Variants in SASH1 observed in about 807,000 individuals in gnomAD.
The protein encoded by SASH1 is SAM and SH3 domain containing 1.
A neutral mutation model predicts 125.2 loss-of-function variants in SASH1; 44 were observed. The ratio of observed to expected loss-of-function variants is 0.35; its 90% CI spans 0.28 to 0.45. SASH1 has a LOEUF of 0.45. Ranked by LOEUF, SASH1 falls within the 20% of genes least tolerant of loss-of-function variation. The pLI is 1.00. For synonymous variants in SASH1, 639 were observed against 649.1 expected (o/e 0.98, Z 0.24); for missense variants, 1,426 against 1,614.5 (o/e 0.88, Z 2.00).
upstream of SASH1, among the ~76,000 whole-genome samples, chr6:148,271,484 G>A (rs985966293): frequency 2.6e-5 from 4 of 151,994 alleles, no homozygotes; most frequent in Admixed American, 2.6e-4. Flanking sequence ...GTGTAGGGAA[G>A]TGCCATGCAC....
At chr6:148,419,252 G>T (rs1421075218) in intron 2 of SASH1, among the ~76,000 whole-genome samples, 1 of 152,216 alleles carries the variant, frequency 6.6e-6, no homozygotes, top group Non-Finnish European at 1.5e-5. Flanking sequence ...ACTGGGATGG[G>T]ATGCTAATGG....
intron 17 of SASH1, among the ~76,000 whole-genome samples, chr6:148,543,239 G>T (rs1782339740): frequency 1.3e-5 from 2 of 152,162 alleles, no homozygotes; most frequent in African/African-American, 4.8e-5. Flanking sequence ...CTCTGTAGGG[G>T]ATACCATTTA....
intron 1 of SASH1, among the ~76,000 whole-genome samples, chr6:148,323,645 T>C (rs945001747): frequency 1.3e-5 from 2 of 152,130 alleles, no homozygotes; most frequent in South Asian, 2.1e-4. Context: ...GGATAACTGC[T>C]GTGATAGGAA....
At chr6:148,541,506 CTG>C (rs145143710) in intron 17 of SASH1, among the ~76,000 whole-genome samples, 4 of 151,864 alleles carry the variant, frequency 2.6e-5, no homozygotes, top group East Asian at 3.9e-4. Flanking sequence ...TCAGTTATGT[CTG>C]TGTGTGTGTT....
intron 2 of SASH1, among the ~76,000 whole-genome samples, chr6:148,409,102 T>C (rs1248508038): frequency 6.6e-6 from 1 of 152,234 alleles, no homozygotes. Flanking sequence ...ATTGCAGTTT[T>C]ATGATACTTC....
intron 12 of SASH1, among the ~76,000 whole-genome samples, chr6:148,530,157 G>A (rs1301968748): frequency 6.6e-6 from 1 of 152,006 alleles, no homozygotes; most frequent in Admixed American, 6.5e-5. Flanking sequence ...ATTATGGTAG[G>A]GATATTTGTT....
At chr6:148,329,645 T>C (rs553851397) in intron 1 of SASH1, among the ~76,000 whole-genome samples, 1 of 152,284 alleles carries the variant, frequency 6.6e-6, no homozygotes, top group Admixed American at 6.5e-5. Flanking sequence ...TGTATGTGTG[T>C]GTGTCTGTGC....
At chr6:148,491,565 T>A (rs1034975576) in intron 8 of SASH1, among the ~76,000 whole-genome samples, 3 of 152,204 alleles carry the variant, frequency 2.0e-5, no homozygotes, top group Non-Finnish European at 4.4e-5. Flanking sequence ...CCACCGCACC[T>A]GGCCTGAACA....
chr6:148,321,465 G>A (rs1465636132), intron 1 of SASH1, among the ~76,000 whole-genome samples: 2 of 151,226 alleles, frequency 1.3e-5, no homozygotes, highest in Non-Finnish European at 2.9e-5. Context: ...TTTGTCCTAT[G>A]AGCTACTGAA....
intron 11 of SASH1, among the ~76,000 whole-genome samples, chr6:148,526,870 T>C (rs75939709): frequency 3.8e-5 from 3 of 79,106 alleles, no homozygotes; most frequent in African/African-American, 1.2e-4. Context: ...TAAATCACTT[T>C]TTTTTTTTTT....
intron 4 of SASH1, among the ~76,000 whole-genome samples, chr6:148,446,198 TC>T (rs1348142397): frequency 7.2e-6 from 1 of 138,828 alleles, no homozygotes; most frequent in Non-Finnish European, 1.5e-5. Flanking sequence ...AAGCTCCGCC[TC>T]CCAGGTCCAC....
intron 2 of SASH1, among the ~76,000 whole-genome samples, chr6:148,416,933 G>C (rs1366069334): frequency 6.6e-6 from 1 of 152,178 alleles, no homozygotes; most frequent in Non-Finnish European, 1.5e-5. Flanking sequence ...CCAGTAGGTA[G>C]TTGAAGTCTG....
intron 4 of SASH1, among the ~76,000 whole-genome samples, chr6:148,452,892 A>G (rs1583184930): frequency 6.6e-6 from 1 of 152,366 alleles, no homozygotes; most frequent in East Asian, 1.9e-4. Context: ...CGACTAGGAA[A>G]CAACAGCTAT....
intron 7 of SASH1, among the ~76,000 whole-genome samples, chr6:148,487,387 T>C (rs781358452): frequency 5.9e-5 from 9 of 152,026 alleles, no homozygotes; most frequent in Non-Finnish European, 1.0e-4. Context: ...TGAAAACCCA[T>C]AGGGCAGGGT....
intron 16 of SASH1, among the ~76,000 whole-genome samples, chr6:148,540,218 T>C (rs983964512): frequency 1.3e-5 from 2 of 152,186 alleles, no homozygotes; most frequent in African/African-American, 4.8e-5. Flanking sequence ...GGTGTCAACA[T>C]ATTCCAACTG....
At chr6:148,531,787 A>C in intron 13 of SASH1, 126 bp downstream of exon 13, 1 of 717,808 alleles carries the variant, frequency 1.4e-6, no homozygotes, top group Admixed American at 4.2e-5. Flanking sequence ...CTATTAGAGA[A>C]TCAGACCAAT....
At position 148,525,331 on chromosome 6, in the gene SASH1, C is replaced by T. The variant is rs1364524059; in HGVS notation, c.1250C>T (p.Ser417Phe). Residue 417 changes from serine to phenylalanine, a missense_variant, in exon 11 of 20, where the codon TCT (serine) becomes TTT (phenylalanine). By Grantham distance (155) the Ser-to-Phe change is radical. Coordinates refer to ENST00000367467, the MANE Select transcript of SASH1 (RefSeq NM_015278.5). Reference protein sequence around the residue: ...SFGGFDLTNRSLHVGSNNSDP... With the variant: ...SFGGFDLTNRFLHVGSNNSDP... ...GGAGGATTTGACTTGACGAATCGCT[C>T]TCTGCACGTTGGCAGTAATAATTCT... 4 of 1,613,938 alleles carry T rather than the reference C, an allele frequency of 2.5e-6. No individual in the cohort carries two copies. Among genetic ancestry groups the T allele is most frequent in the African/African-American group, 1.3e-5 (1 of 74,900 alleles).
chr6:148,456,957 T>G (rs2115062790), intron 4 of SASH1, among the ~76,000 whole-genome samples: 1 of 150,856 alleles, frequency 6.6e-6, no homozygotes, highest in East Asian at 1.9e-4. Context: ...ATAAGAAATT[T>G]TTGCTCATTT....
At chr6:148,243,143 C>T in the SASH1 span, among the ~76,000 whole-genome samples, 1 of 152,004 alleles carries the variant, frequency 6.6e-6, no homozygotes, top group Non-Finnish European at 1.5e-5. Context: ...TGGCGAAAAC[C>T]CATCTCTACT....
Sources: gnomAD v4.1 joint callset for allele counts (sites outside exome capture counted in the v4.1 genomes callset) on GRCh38, gnomAD v4.1.1 for gene constraint, MANE v1.5 for transcripts, NCBI Gene and HGNC (gene_info 2026-07-23, HGNC 2026-07-21) for gene names.